Variants in ITPRIP observed in about 807,000 individuals in gnomAD.
ITPRIP encodes inositol 1,4,5-trisphosphate receptor interacting protein.
ITPRIP carries 32 observed loss-of-function variants against 35.8 expected under a neutral mutation model. That is an observed-to-expected ratio of 0.89 (90% CI 0.68 to 1.20). The LOEUF (loss-of-function observed/expected upper bound fraction) is 1.20. ITPRIP is among the 50% of genes most tolerant of loss of function. The probability of loss-of-function intolerance (pLI) is 0.00; values close to 1 mark genes in which losing one functional copy is unlikely to be tolerated. For missense variants in ITPRIP, 653 were observed against 735.6 expected (o/e 0.89, Z 1.30); for synonymous variants, 358 against 324.0 (o/e 1.11, Z -1.13).
At position 104,314,695 on chromosome 10, in the gene ITPRIP, G is replaced by A; in HGVS notation, c.1357C>T (p.Gln453Ter). Residue 453 changes from glutamine to a stop codon, truncating the protein, a stop_gained, in exon 2 of 2, where the codon CAG becomes TAG. Coordinates refer to ENST00000337478, the MANE Select transcript of ITPRIP (RefSeq NM_001272013.2). LOFTEE classifies it high-confidence loss of function. ...AACTCGTGCAGACGAGCGTCCAGCTGCCCCGCCTTCCAGTCGGCGGCCTGC... is the reference window on the plus strand; with the variant it reads ...AACTCGTGCAGACGAGCGTCCAGCTACCCCGCCTTCCAGTCGGCGGCCTGC... ...LRQAADWKAG[Q>*]LDARLHELLC... The A allele has an allele frequency of 6.2e-7, 1 of 1,613,758 alleles. No individual in the cohort carries two copies. The highest frequency in any genetic ancestry group is 8.5e-7 in the Non-Finnish European group (1 of 1,179,864).
Position 104,314,449 on chromosome 10 carries a change from A to T in ITPRIP, c.1603T>A (p.Ser535Thr). Residue 535 changes from serine to threonine, a missense_variant, in exon 2 of 2, where the codon TCC (serine) becomes ACC (threonine). Transcript: ENST00000337478. ...KNAPALISEY[S>T]LHVPSDQPTP... Reference sequence around the variant, plus strand: ...GGCTGGTCTGAGGGGACATGTAGGGAATACTCGCTAATGAGCGCTGGGGCA... The same window carrying T: ...GGCTGGTCTGAGGGGACATGTAGGGTATACTCGCTAATGAGCGCTGGGGCA... 1 of 1,613,944 alleles carries T rather than the reference A, an allele frequency of 6.2e-7. No individual in the cohort carries two copies. The highest frequency in any genetic ancestry group is 8.5e-7 in the Non-Finnish European group (1 of 1,179,970).
At chr10:104,321,337 C>A (rs1407303385) in intron 1 of ITPRIP, among the ~76,000 whole-genome samples, 1 of 152,190 alleles carries the variant, frequency 6.6e-6, no homozygotes, top group Non-Finnish European at 1.5e-5. Context: ...GCGGCCCATG[C>A]AGTTCACAGC....
rs2014190450 is a variant in ITPRIP at position 104,333,549 on chromosome 10, T to G, written c.-14+4697A>C. The G allele has an allele frequency of 1.3e-5, 2 of 152,198 alleles. No homozygotes were observed. Among genetic ancestry groups the G allele is most frequent in the African/African-American group, 4.8e-5 (2 of 41,416 alleles). 9.4% of individuals were successfully genotyped at this position (152,198 alleles called of 1,614,324 possible). ...CTCTGTGGGGAAACGTCACAGGTCCTAAACTGTTGAGGAGGGGTCTACAGG... is the reference window on the plus strand; with the variant it reads ...CTCTGTGGGGAAACGTCACAGGTCCGAAACTGTTGAGGAGGGGTCTACAGG... On this transcript the variant is annotated intron_variant, in intron 1 of 1. Transcript: ENST00000337478. The surrounding 1 kb of genome is among the most constrained non-coding windows in gnomAD (Gnocchi z 4.1).
rs928132560 is a variant in ITPRIP, at chr10:104,328,665, T to A, written c.-14+9581A>T. Among the ~76,000 whole-genome samples, 3 of 149,752 alleles carry A rather than the reference T, an allele frequency of 2.0e-5. No individual in the cohort carries two copies. The highest frequency in any genetic ancestry group is 2.0e-4 in the Admixed American group (3 of 15,054). On this transcript the variant is annotated intron_variant, in intron 1 of 1. Coordinates refer to ENST00000337478, the MANE Select transcript of ITPRIP (RefSeq NM_001272013.2). This position sits in a 1 kb window ranked among gnomAD's most constrained non-coding sequence, Gnocchi z 4.1. ...CACTTTCCCCCTTTCACTGAGAAAC[T>A]AGGATGGATGGAATTAAATAAAGGG...
intron 1 of ITPRIP, among the ~76,000 whole-genome samples, chr10:104,336,264 C>G (rs778658694): frequency 6.6e-6 from 1 of 152,130 alleles, no homozygotes; most frequent in Non-Finnish European, 1.5e-5. Context: ...CCCTCCCCAG[C>G]AAGACTGGAT....
chr10:104,316,594 G>C (rs2013698203), intron 1 of ITPRIP, among the ~76,000 whole-genome samples: 3 of 152,078 alleles, frequency 2.0e-5, no homozygotes, highest in Non-Finnish European at 4.4e-5. Context: ...GTGGGCTCTC[G>C]GGAAGGGAGC....
intron 1 of ITPRIP, among the ~76,000 whole-genome samples, chr10:104,331,891 A>G (rs2014157906): frequency 6.6e-6 from 1 of 152,162 alleles, no homozygotes; most frequent in Non-Finnish European, 1.5e-5. Context: ...AGGGACCAGA[A>G]GTCTCAGGCC....
In ITPRIP at chr10:104,315,670, C is replaced by T; in HGVS notation, c.382G>A (p.Gly128Ser). Residue 128 changes from glycine to serine, a missense_variant, in exon 2 of 2, where the codon GGC becomes AGC. By Grantham distance (56) the Gly-to-Ser change is moderately conservative. Coordinates refer to ENST00000337478, the MANE Select transcript of ITPRIP (RefSeq NM_001272013.2). This position sits in a 1 kb window ranked among gnomAD's most constrained non-coding sequence, Gnocchi z 5.7. ...AGGGTGAGGCCCTGCAAGGGGGCGC[C>T]CCCCAGCCCAGGCAGCTCATCCTCC... Reference protein sequence around the residue: ...GEEDELPGLGGAPLQGLTLPN... With the variant: ...GEEDELPGLGSAPLQGLTLPN... The T allele has an allele frequency of 6.2e-7, 1 of 1,612,700 alleles. No homozygotes were observed. Among genetic ancestry groups the T allele is most frequent in the South Asian group, 1.1e-5 (1 of 91,068 alleles).
chr10:104,317,569 A>AC lies in ITPRIP; in HGVS notation c.-13-1506dup, dbSNP rs1376181859. On this transcript the variant is annotated intron_variant, in intron 1 of 1. Transcript: ENST00000337478. ...AATCTGCTATTTCCACACTTGAACT[A>AC]CCCCCCTCCTTGCTTGGGACCTCGA... Among the ~76,000 whole-genome samples, 7 of 151,698 alleles carry AC rather than the reference A, an allele frequency of 4.6e-5. No individual in the cohort carries two copies. The South Asian group carries it at 1.0e-3, about 23-fold the overall frequency.
At chr10:104,321,698 CTTTTCTTTTTT>C (rs1313086826) in intron 1 of ITPRIP, among the ~76,000 whole-genome samples, 1 of 148,964 alleles carries the variant, frequency 6.7e-6, no homozygotes, top group Admixed American at 6.7e-5. Flanking sequence ...AGTTTCTTTT[CTTTTCTTTTTT>C]TTTTTTTTTT....
chr10:104,334,454 G>A (rs557589936), intron 1 of ITPRIP, among the ~76,000 whole-genome samples: 1 of 152,326 alleles, frequency 6.6e-6, no homozygotes, highest in East Asian at 1.9e-4. Flanking sequence ...TCATGGCCTG[G>A]CCCTACAACT....
At chr10:104,337,108 T>C (rs898977525) in intron 1 of ITPRIP, among the ~76,000 whole-genome samples, 1 of 152,188 alleles carries the variant, frequency 6.6e-6, no homozygotes, top group African/African-American at 2.4e-5. Context: ...AAACACAGCC[T>C]ATTCTGTTTT....
intron 1 of ITPRIP, chr10:104,329,043 G>GCACACACACACACACACACACACACA (rs66606338): frequency 6.7e-6 from 1 of 149,020 alleles, no homozygotes; most frequent in African/African-American, 2.5e-5. Context: ...CTGCACGCAT[G>GCACACACACACACACACACACACACA]CACACACACA....
Position 104,311,858 on chromosome 10 carries a change from T to C in ITPRIP, c.*2550A>G, listed in dbSNP as rs546190396. ...TAGTTCCAGCTCCTATATTTCTCGC[T>C]GACATTAGCTCTGTGAAATAAGGTC... On this transcript the variant is annotated 3_prime_UTR_variant, in exon 2 of 2. Transcript: ENST00000337478. 6.6e-6 allele frequency: 1 copy of C among 152,368 alleles called. No homozygotes were observed. Among genetic ancestry groups the C allele is most frequent in the South Asian group, 2.1e-4 (1 of 4,828 alleles). 9.4% of individuals were successfully genotyped at this position (152,368 alleles called of 1,614,324 possible).
At position 104,313,251 on chromosome 10, in the gene ITPRIP, T is replaced by G; in HGVS notation, c.*1157A>C. ...GCTATGACATCCTTGGCCCCTGATC[T>G]CTGCAACTTTCTCTGAACTGGGCCA... On this transcript the variant is annotated 3_prime_UTR_variant, in exon 2 of 2. Transcript: ENST00000337478. 1.0e-6 allele frequency: 1 copy of G among 985,636 alleles called. No homozygotes were observed. The highest frequency in any genetic ancestry group is 1.2e-6 in the Non-Finnish European group (1 of 830,080). The allele number at this position is 985,636 out of a possible 1,614,324, so 61.1% of individuals were successfully genotyped here.
rs983353224 is a variant in ITPRIP, at chr10:104,333,447, C to T, written c.-14+4799G>A. 6.6e-6 allele frequency: 1 copy of T among 152,194 alleles called. No homozygotes were observed. The highest frequency in any genetic ancestry group is 2.4e-5 in the African/African-American group (1 of 41,428). The allele number at this position is 152,194 out of a possible 1,614,324, so 9.4% of individuals were successfully genotyped here. A position where few individuals can be genotyped will look rare whatever the true frequency, so the allele number is the denominator to read the frequency against. ...AGGGTGGAGGCGTTGCCCTGAGCAA[C>T]AGTGATGTCACCTGCAGGGTGCTTC... is the stretch of plus-strand genomic sequence containing the variant. On this transcript the variant is annotated intron_variant, in intron 1 of 1. Coordinates refer to ENST00000337478, the MANE Select transcript of ITPRIP (RefSeq NM_001272013.2). This position sits in a 1 kb window ranked among gnomAD's most constrained non-coding sequence, Gnocchi z 4.1.
Position 104,315,445 on chromosome 10 carries a change from C to G in ITPRIP, c.607G>C (p.Asp203His), listed in dbSNP as rs1488614159. ...VDSMYENWQVDRPLLCHLFVP... is the reference protein window; with the variant it reads ...VDSMYENWQVHRPLLCHLFVP... ...AAAAGGTGGCACAGCAGTGGCCTGT[C>G]CACCTGCCAGTTCTCGTACATGCTG... Residue 203 changes from aspartate to histidine, a missense_variant, in exon 2 of 2, where the codon GAC becomes CAC. Physicochemically the swap from Asp to His is moderately conservative, Grantham distance 81. Coordinates refer to ENST00000337478, the MANE Select transcript of ITPRIP (RefSeq NM_001272013.2). The surrounding 1 kb of genome is among the most constrained non-coding windows in gnomAD (Gnocchi z 5.7). 6.2e-7 allele frequency: 1 copy of G among 1,608,556 alleles called. No homozygotes were observed.
intron 1 of ITPRIP, among the ~76,000 whole-genome samples, chr10:104,337,550 G>A (rs2014261808): frequency 6.6e-6 from 1 of 151,766 alleles, no homozygotes; most frequent in South Asian, 2.1e-4. Context: ...GTCCCGCCCC[G>A]GGAGTCTTCA....
In ITPRIP at chr10:104,312,542, T is replaced by C; in HGVS notation, c.*1866A>G. On this transcript the variant is annotated 3_prime_UTR_variant, in exon 2 of 2. Transcript: ENST00000337478. Reference sequence around the variant, plus strand: ...GATTGGGGGTAGCTCCAGGCTGCTGTTAGGGACACACTTGAGCTGGTTCAT... The same window carrying C: ...GATTGGGGGTAGCTCCAGGCTGCTGCTAGGGACACACTTGAGCTGGTTCAT... 1.2e-6 allele frequency: 1 copy of C among 818,072 alleles called. No homozygotes were observed. Among genetic ancestry groups the C allele is most frequent in the Non-Finnish European group, 1.5e-6 (1 of 676,986 alleles). The allele number at this position is 818,072 out of a possible 1,614,324, so 50.7% of individuals were successfully genotyped here. A position where few individuals can be genotyped will look rare whatever the true frequency, so the allele number is the denominator to read the frequency against.
Sources: gnomAD v4.1 joint callset for allele counts (sites outside exome capture counted in the v4.1 genomes callset) on GRCh38, gnomAD v4.1.1 for gene constraint, Gnocchi (gnomAD v3.1) non-coding constraint, MANE v1.5 for transcripts, NCBI Gene and HGNC (gene_info 2026-07-23, HGNC 2026-07-21) for gene names.